The following ANO3 variants were observed in gnomAD, a reference collection of about 807,000 sequenced individuals.
ANO3 encodes anoctamin-3.
Under a neutral mutation model 144.8 loss-of-function variants are expected in ANO3, and 99 were observed. The observed-to-expected ratio is 0.68, with a 90% CI of 0.58 to 0.81. ANO3 has a LOEUF of 0.81. Among genes scored for constraint, ANO3 ranks in the 30% least tolerant of loss-of-function variants. The pLI, the probability that ANO3 is intolerant of heterozygous loss-of-function variation, is 0.00. For missense variants in ANO3, 905 were observed against 1,202.2 expected (o/e 0.75, Z 3.66); for synonymous variants, 414 against 392.6 (o/e 1.05, Z -0.64).
intron 1 of ANO3, among the ~76,000 whole-genome samples, chr11:26,297,307 T>TAATTGGATGTTTTTTAG (rs143003159): frequency 0.25 from 37,812 of 151,696 alleles, 6,752 homozygotes; most frequent in African/African-American, 0.51. Context: ...TTTCACTTTA[T>TAATTGGATGTTTTTTAG]TAGTGAGCAT....
At chr11:26,317,929 T>C (rs993262309) in intron 1 of ANO3, among the ~76,000 whole-genome samples, 2 of 152,110 alleles carry the variant, frequency 1.3e-5, no homozygotes, top group Admixed American at 1.3e-4. Flanking sequence ...TATGCATCCA[T>C]AAAAAAGGAT....
At chr11:26,441,249 C>G (rs917074587) in intron 1 of ANO3, among the ~76,000 whole-genome samples, 1 of 149,172 alleles carries the variant, frequency 6.7e-6, no homozygotes, top group African/African-American at 2.5e-5. Context: ...TCCCAAGTAG[C>G]TGGGACTACA....
chr11:26,528,303 T>A (rs1419821863), intron 7 of ANO3, among the ~76,000 whole-genome samples: 2 of 152,180 alleles, frequency 1.3e-5, no homozygotes, highest in Non-Finnish European at 2.9e-5. Context: ...CCCAAGAAAT[T>A]AATAAGCTAG....
At chr11:26,219,879 A>G (rs1027573292) in intron 1 of ANO3, among the ~76,000 whole-genome samples, 4 of 152,296 alleles carry the variant, frequency 2.6e-5, no homozygotes, top group African/African-American at 7.2e-5. Flanking sequence ...CAGCTGAGGG[A>G]CCCAGAAAAC....
At chr11:26,485,833 C>T (rs1219218455) in intron 4 of ANO3, among the ~76,000 whole-genome samples, 1 of 151,902 alleles carries the variant, frequency 6.6e-6, no homozygotes, top group African/African-American at 2.4e-5. Flanking sequence ...GAAAAAGCAA[C>T]AAAAGCAAAA....
intron 18 of ANO3, among the ~76,000 whole-genome samples, chr11:26,626,412 A>G (rs967464891): frequency 2.0e-5 from 3 of 152,224 alleles, no homozygotes; most frequent in African/African-American, 7.2e-5. Context: ...GCTCTAGAAC[A>G]AATATTTCAA....
At chr11:26,283,706 A>C (rs1853736999) in intron 1 of ANO3, among the ~76,000 whole-genome samples, 1 of 152,114 alleles carries the variant, frequency 6.6e-6, no homozygotes, top group South Asian at 2.1e-4. Flanking sequence ...ACTTTAAAAC[A>C]CCAACTTTCC....
chr11:26,219,007 G>A (rs1457818061), intron 1 of ANO3, among the ~76,000 whole-genome samples: 2 of 152,046 alleles, frequency 1.3e-5, no homozygotes, highest in Non-Finnish European at 2.9e-5. Context: ...CTTAACCTTG[G>A]CTCTGTTGGC....
chr11:26,396,670 T>C (rs1391337694), intron 1 of ANO3, among the ~76,000 whole-genome samples: 3 of 152,070 alleles, frequency 2.0e-5, no homozygotes, highest in Non-Finnish European at 4.4e-5. Context: ...GAAACCATCA[T>C]TCTCAGCAAA....
intron 1 of ANO3, among the ~76,000 whole-genome samples, chr11:26,383,774 C>A (rs1443159075): frequency 6.7e-6 from 1 of 149,038 alleles, no homozygotes; most frequent in Admixed American, 6.7e-5. Context: ...CTAAAACCGG[C>A]AAATAAATGA....
intron 19 of ANO3, 64 bp downstream of exon 19, chr11:26,634,379 G>A (rs1297660727): frequency 7.6e-6 from 8 of 1,055,450 alleles, no homozygotes; most frequent in African/African-American, 3.2e-5. Context: ...TTTAATTGAC[G>A]ATTACTGTTC....
chr11:26,393,339 A>G (rs1201443449), intron 1 of ANO3, among the ~76,000 whole-genome samples: 1 of 152,100 alleles, frequency 6.6e-6, no homozygotes, highest in African/African-American at 2.4e-5. Context: ...TGCAGGTTGA[A>G]TCCTTTACTT....
intron 4 of ANO3, among the ~76,000 whole-genome samples, chr11:26,476,418 A>G (rs546124616): frequency 6.6e-6 from 1 of 152,102 alleles, no homozygotes; most frequent in Admixed American, 6.6e-5. Flanking sequence ...AGAGTGACCT[A>G]TGTGAGGGCC....
At chr11:26,217,607 T>G (rs1442851474) in intron 1 of ANO3, among the ~76,000 whole-genome samples, 1 of 152,044 alleles carries the variant, frequency 6.6e-6, no homozygotes, top group African/African-American at 2.4e-5. Flanking sequence ...TAATAATGCA[T>G]ATACATAGGG....
At chr11:26,648,312 G>T (rs1246805100) in intron 24 of ANO3, among the ~76,000 whole-genome samples, 1 of 152,056 alleles carries the variant, frequency 6.6e-6, no homozygotes, top group Non-Finnish European at 1.5e-5. Context: ...TTTTCAAAAG[G>T]AATTTACAAC....
At chr11:26,258,433 A>T (rs2133825124) in intron 1 of ANO3, among the ~76,000 whole-genome samples, 1 of 152,298 alleles carries the variant, frequency 6.6e-6, no homozygotes, top group East Asian at 1.9e-4. Context: ...GCTATGAGCG[A>T]GAATACTTAC....
intron 1 of ANO3, among the ~76,000 whole-genome samples, chr11:26,231,397 A>AT (rs5790565): frequency 1.3e-5 from 2 of 151,992 alleles, no homozygotes; most frequent in Non-Finnish European, 2.9e-5. Context: ...ACAGCCACGC[A>AT]TTTTTTTTGT....
chr11:26,557,660 T>A (rs1385644024), intron 13 of ANO3, among the ~76,000 whole-genome samples: 2 of 152,208 alleles, frequency 1.3e-5, no homozygotes, highest in East Asian at 3.9e-4. Context: ...TTCTTCAGTA[T>A]AACAAGTGCT....
In ANO3 at chr11:26,660,472, T is replaced by C; in HGVS notation, c.*28T>C. 5 of 1,571,264 alleles carry C rather than the reference T, an allele frequency of 3.2e-6. No individual in the cohort carries two copies. Among genetic ancestry groups the C allele is most frequent in the Non-Finnish European group, 4.3e-6 (5 of 1,160,980 alleles). On this transcript the variant is annotated 3_prime_UTR_variant, in exon 27 of 27. Transcript: ENST00000256737. ...GACACCTGTTACCCATTAGGGGTGA[T>C]AACATTAATGGGAAGAAATGATGGC...
Sources: gnomAD v4.1 joint callset for allele counts (sites outside exome capture counted in the v4.1 genomes callset) on GRCh38, gnomAD v4.1.1 for gene constraint, MANE v1.5 for transcripts, NCBI Gene and HGNC (gene_info 2026-07-23, HGNC 2026-07-21) for gene names.